PCDHA8: variants seen among roughly 807,000 people sequenced by gnomAD.
PCDHA8 encodes the protein protocadherin alpha-8.
A neutral mutation model predicts 61.8 loss-of-function variants in PCDHA8; 53 were observed. That is an observed-to-expected ratio of 0.86 (90% CI 0.69 to 1.08). The LOEUF is 1.08. PCDHA8 is among the 50% of genes least tolerant of loss of function. The pLI, the probability that PCDHA8 is intolerant of heterozygous loss-of-function variation, is 0.00. For synonymous variants in PCDHA8, 618 were observed against 556.6 expected (o/e 1.11, Z -1.55); for missense variants, 1,293 against 1,245.0 (o/e 1.04, Z -0.58).
At chr5:140,911,620 C>T (rs2075566183) in intron 1 of PCDHA8, among the ~76,000 whole-genome samples, 1 of 152,146 alleles carries the variant, frequency 6.6e-6, no homozygotes, top group Non-Finnish European at 1.5e-5. Context: ...CTTAGTTCCC[C>T]ACATATGGTC....
intron 1 of PCDHA8, among the ~76,000 whole-genome samples, chr5:140,888,041 A>G (rs571709864): frequency 2.0e-5 from 3 of 152,296 alleles, no homozygotes; most frequent in South Asian, 4.1e-4. Context: ...TAGTACATGT[A>G]TAATAGATGT....
At chr5:140,875,934 A>T (rs782270710) in intron 1 of PCDHA8, 1 of 1,614,178 alleles carries the variant, frequency 6.2e-7, no homozygotes, top group Admixed American at 1.7e-5. Context: ...ATTTTCCTCT[A>T]GAGGGCGCTT....
In PCDHA8 at chr5:140,924,786, T is replaced by G. The variant is rs2082007959; in HGVS notation, c.2395-54163T>G. Reference sequence around the variant, plus strand: ...GGTGCGCGCTTGTAGTCCTAGCTACTTAGGAGGCTGAGGCAAGAGAATCGC... The same window carrying G: ...GGTGCGCGCTTGTAGTCCTAGCTACGTAGGAGGCTGAGGCAAGAGAATCGC... On this transcript the variant is annotated intron_variant, in intron 1 of 3. Coordinates refer to ENST00000531613, the MANE Select transcript of PCDHA8 (RefSeq NM_018911.3). Among the ~76,000 whole-genome samples the G allele has an allele frequency of 4.6e-5, 7 of 151,720 alleles. No homozygotes were observed. In the South Asian group the frequency reaches 1.2e-3, roughly 27 times the overall value.
At chr5:140,859,562 C>A in intron 1 of PCDHA8, 1 of 176,644 alleles carries the variant, frequency 5.7e-6, no homozygotes, top group Non-Finnish European at 1.2e-5. Flanking sequence ...ACACCAATGC[C>A]ATGAATTTGT....
At chr5:140,981,824 C>T (rs1350256595) in intron 2 of PCDHA8, among the ~76,000 whole-genome samples, 4 of 152,108 alleles carry the variant, frequency 2.6e-5, no homozygotes, top group African/African-American at 7.2e-5. Flanking sequence ...CTCTGCTTGC[C>T]TCTAAAGGTC....
Position 140,843,164 on chromosome 5 carries a change from G to T in PCDHA8, c.1843G>T (p.Ala615Ser). The T allele has an allele frequency of 6.3e-7, 1 of 1,596,104 alleles. No individual in the cohort carries two copies. The change falls in exon 1 of 4, where the codon GCA (alanine) becomes TCA (serine). Residue 615 changes from alanine (A) to serine (S), a missense_variant. Physicochemically the swap from Ala to Ser is moderately conservative, Grantham distance 99. Coordinates refer to ENST00000531613, the MANE Select transcript of PCDHA8 (RefSeq NM_018911.3). ...AWLSYELQPA[A>S]SSPRIPFRVG... ...GCTTTCGTATGAGCTGCAGCCAGCT[G>T]CAAGCAGCCCTCGCATCCCGTTCCG...
At chr5:140,845,964 G>A (rs1780137378) in intron 1 of PCDHA8, among the ~76,000 whole-genome samples, 1 of 149,394 alleles carries the variant, frequency 6.7e-6, no homozygotes, top group Non-Finnish European at 1.5e-5. Context: ...GATTAACCTA[G>A]GATGTTTCAA....
At chr5:140,965,318 C>T (rs1397101710) in intron 1 of PCDHA8, among the ~76,000 whole-genome samples, 1 of 152,104 alleles carries the variant, frequency 6.6e-6, no homozygotes, top group Non-Finnish European at 1.5e-5. Flanking sequence ...TTCTCTTTTA[C>T]TGAAGTGAAT....
intron 1 of PCDHA8, chr5:140,862,920 G>A (rs2047655483): frequency 3.6e-6 from 2 of 548,666 alleles, no homozygotes; most frequent in African/African-American, 3.8e-5. Flanking sequence ...CGCCTTGGGT[G>A]GGCTGGCGGC....
intron 1 of PCDHA8, chr5:140,852,499 A>G: frequency 3.9e-6 from 1 of 258,480 alleles, no homozygotes; most frequent in Non-Finnish European, 6.5e-6. Context: ...GTTGGTCTCG[A>G]ACTCCTGACC....
chr5:140,954,570 T>G (rs2095058412), intron 1 of PCDHA8, among the ~76,000 whole-genome samples: 1 of 152,252 alleles, frequency 6.6e-6, no homozygotes. Context: ...GACTGTCTTC[T>G]TTTCAGAAGT....
At chr5:140,987,444 C>T (rs2097254283) in intron 3 of PCDHA8, among the ~76,000 whole-genome samples, 2 of 151,998 alleles carry the variant, frequency 1.3e-5, no homozygotes, top group Admixed American at 6.6e-5. Flanking sequence ...TCCCCATGCC[C>T]GAGAGATAAT....
rs782531082 is a variant in PCDHA8 at position 140,877,160 on chromosome 5, C to T, written c.2394+33445C>T. The T allele has an allele frequency of 4.0e-5, 64 of 1,613,696 alleles. 1 individual carries two copies. In the Admixed American group the frequency reaches 1.0e-3, roughly 26 times the overall value. The stretch of plus-strand genomic sequence containing the variant: ...GTGCTGGACGAGAACGACAACGCGC[C>T]GGCACTGCTGGCGACTCCGGCTGGC... On this transcript the variant is annotated intron_variant, in intron 1 of 3. Transcript: ENST00000531613.
At chr5:140,973,414 C>G (rs992904408) in intron 1 of PCDHA8, among the ~76,000 whole-genome samples, 1 of 152,204 alleles carries the variant, frequency 6.6e-6, no homozygotes, top group Non-Finnish European at 1.5e-5. Flanking sequence ...GCTTCCACTC[C>G]AGTTTTTCAT....
intron 1 of PCDHA8, among the ~76,000 whole-genome samples, chr5:140,920,166 A>G (rs539079245): frequency 2.2e-4 from 34 of 152,328 alleles, no homozygotes; most frequent in African/African-American, 7.9e-4. Flanking sequence ...AACTGTCTTA[A>G]GCAACCCAGT....
chr5:140,852,816 A>C, intron 1 of PCDHA8: 2 of 972,756 alleles, frequency 2.1e-6, no homozygotes, highest in Non-Finnish European at 1.2e-6. Flanking sequence ...CTCCCGCCCT[A>C]AGTCCTCCAG....
chr5:140,891,920 C>G (rs1396526194), intron 1 of PCDHA8, among the ~76,000 whole-genome samples: 10 of 152,206 alleles, frequency 6.6e-5, no homozygotes, highest in Non-Finnish European at 8.8e-5. Flanking sequence ...GATGCTGGTG[C>G]CTTGATCTTG....
At chr5:140,858,160 G>T in intron 1 of PCDHA8, 1 of 1,597,718 alleles carries the variant, frequency 6.3e-7, no homozygotes, top group Non-Finnish European at 8.6e-7. Context: ...CCATCTGCGC[G>T]GTGTCCAGCT....
intron 1 of PCDHA8, chr5:140,871,297 G>A (rs781824958): frequency 5.6e-6 from 9 of 1,613,778 alleles, no homozygotes; most frequent in African/African-American, 5.3e-5. Context: ...GGGCGCGTGC[G>A]CGCCGGGGAA....
Sources: allele counts gnomAD v4.1 joint callset (sites outside exome capture counted in the v4.1 genomes callset), GRCh38; gene constraint gnomAD v4.1.1; transcripts MANE v1.5; gene names NCBI Gene and HGNC (gene_info 2026-07-23, HGNC 2026-07-21).